SAMD8: variants seen among roughly 807,000 people sequenced by gnomAD.
The protein encoded by SAMD8 is sphingomyelin synthase-related protein 1.
In SAMD8, 20 loss-of-function variants were observed where a neutral mutation model predicts 42.0. The ratio of observed to expected loss-of-function variants is 0.48; its 90% CI spans 0.34 to 0.69. The LOEUF (loss-of-function observed/expected upper bound fraction) is 0.69, where lower values mean the gene tolerates loss of function less well. SAMD8 is among the 30% of genes least tolerant of loss of function. The probability of loss-of-function intolerance (pLI) is 0.01; values close to 1 mark genes in which losing one functional copy is unlikely to be tolerated. For synonymous variants in SAMD8, 162 were observed against 173.0 expected (o/e 0.94, Z 0.50); for missense variants, 328 against 511.6 (o/e 0.64, Z 3.46).
chr10:75,145,591 C>G (rs868765767), intron 1 of SAMD8, among the ~76,000 whole-genome samples: 7 of 152,090 alleles, frequency 4.6e-5, no homozygotes, highest in African/African-American at 1.7e-4. Flanking sequence ...AGGATGAACC[C>G]AGAGACATGT....
Position 75,176,248 on chromosome 10 carries a change from T to C in SAMD8, c.943+32T>C. 6.2e-7 allele frequency: 1 copy of C among 1,614,140 alleles called. No homozygotes were observed. Among genetic ancestry groups the C allele is most frequent in the South Asian group, 1.1e-5 (1 of 91,078 alleles). On this transcript the variant is annotated intron_variant, in intron 5 of 5. Coordinates refer to ENST00000542569, the MANE Select transcript of SAMD8 (RefSeq NM_001174156.2). This position sits in a 1 kb window ranked among gnomAD's most constrained non-coding sequence, Gnocchi z 4.3. ...ATCTTTTTAGTGCTTCTATGCGTAT[T>C]AGGTAACTAGCTGCAGTGAAGGCTG...
chr10:75,124,809 CTTTTTTT>C (rs199513847), intron 1 of SAMD8, among the ~76,000 whole-genome samples: 8 of 144,998 alleles, frequency 5.5e-5, no homozygotes, highest in East Asian at 2.0e-4. Context: ...TTCTTTTTTT[CTTTTTTT>C]TTTTTCCTAA....
rs1589915471 is a variant in SAMD8 at position 75,106,138 on chromosome 10, C to T, written c.-16+6410C>T. Among the ~76,000 whole-genome samples, 5 of 139,558 alleles carry T rather than the reference C, an allele frequency of 3.6e-5. No homozygotes were observed. The South Asian group carries it at 1.1e-3, about 32-fold the overall frequency. The allele number at this position is 139,558 out of a possible 152,430, so 91.6% of individuals were successfully genotyped here. The stretch of plus-strand genomic sequence containing the variant: ...TTTTTTTTTAGTAGAGACAAAGTCT[C>T]ACTATGTTGCCCAGGCTGGTCTTGA... On this transcript the variant is annotated intron_variant, in intron 1 of 3. Transcript: ENST00000447533.
intron 1 of SAMD8, among the ~76,000 whole-genome samples, chr10:75,118,613 C>T (rs1335226075): frequency 6.6e-6 from 1 of 152,176 alleles, no homozygotes; most frequent in East Asian, 1.9e-4. Context: ...CGCTGCATTC[C>T]AGCCTGGGCG....
chr10:75,110,996 A>C (rs1336330408), upstream of SAMD8, among the ~76,000 whole-genome samples: 1 of 152,002 alleles, frequency 6.6e-6, no homozygotes, highest in Non-Finnish European at 1.5e-5. Flanking sequence ...TTGTATTTTT[A>C]GTACAGACGA....
intron 1 of SAMD8, among the ~76,000 whole-genome samples, chr10:75,117,440 C>T (rs979892389): frequency 5.3e-5 from 8 of 149,942 alleles, no homozygotes; most frequent in Non-Finnish European, 8.9e-5. Context: ...AAAGGGTGGG[C>T]GTGATGGCTC....
chr10:75,176,513 A>G lies in SAMD8; in HGVS notation c.1069A>G (p.Thr357Ala). 5.8e-6 allele frequency: 9 copies of G among 1,550,706 alleles called. No individual in the cohort carries two copies. The highest frequency in any genetic ancestry group is 7.8e-6 in the Non-Finnish European group (9 of 1,147,002). Residue 357 changes from threonine (T) to alanine (A), a missense_variant, in exon 6 of 6, where the codon ACA becomes GCA. Physicochemically the swap from Thr to Ala is moderately conservative, Grantham distance 58. This residue lies in a region of SAMD8 where 178 missense variants were observed against 325.6 expected (regional missense o/e 0.55). Coordinates refer to ENST00000542569, the MANE Select transcript of SAMD8 (RefSeq NM_001174156.2). This position sits in a 1 kb window ranked among gnomAD's most constrained non-coding sequence, Gnocchi z 4.3. ...TGTGTTTATTGCTTTTTATATAACA[A>G]CAAGACTCTTTTTGTACTACCATAC... ...IDVFIAFYITTRLFLYYHTLA... is the reference protein window; with the variant it reads ...IDVFIAFYITARLFLYYHTLA...
chr10:75,152,222 A>G (rs1044466098), intron 2 of SAMD8, among the ~76,000 whole-genome samples: 1 of 151,998 alleles, frequency 6.6e-6, no homozygotes, highest in Non-Finnish European at 1.5e-5. Flanking sequence ...TATGTGTAAC[A>G]TATGAAAAAT....
At chr10:75,134,709 T>C (rs1849347541) in intron 1 of SAMD8, among the ~76,000 whole-genome samples, 2 of 152,094 alleles carry the variant, frequency 1.3e-5, no homozygotes, top group South Asian at 4.1e-4. Context: ...CTATGACTAA[T>C]AATAATGTAT....
intron 2 of SAMD8, among the ~76,000 whole-genome samples, chr10:75,160,967 C>G (rs1394731680): frequency 6.6e-6 from 1 of 152,056 alleles, no homozygotes; most frequent in East Asian, 1.9e-4. Flanking sequence ...ATTGGGGAGT[C>G]TGAGGTGGGA....
intron 1 of SAMD8, among the ~76,000 whole-genome samples, chr10:75,147,543 G>T (rs1840170674): frequency 2.6e-5 from 4 of 152,034 alleles, no homozygotes; most frequent in Admixed American, 2.6e-4. Context: ...GGCCAGGTTG[G>T]TCTTGAACTC....
intron 4 of SAMD8, among the ~76,000 whole-genome samples, chr10:75,172,012 C>T (rs922958616): frequency 4.1e-5 from 6 of 146,528 alleles, no homozygotes; most frequent in East Asian, 4.0e-4. Context: ...GGTGACAGAG[C>T]GAGACTCCAT....
chr10:75,130,333 C>G (rs1202086110), intron 1 of SAMD8, among the ~76,000 whole-genome samples: 1 of 151,922 alleles, frequency 6.6e-6, no homozygotes, highest in Non-Finnish European at 1.5e-5. Flanking sequence ...GAAACCCCGT[C>G]TCTACTAAAA....
In SAMD8 at chr10:75,176,416, C is replaced by G. The variant is rs1840992210; in HGVS notation, c.972C>G (p.His324Gln). Residue 324 changes from histidine to glutamine, a missense_variant, in exon 6 of 6, where the codon CAC becomes CAG. This residue lies in a region of SAMD8 where 178 missense variants were observed against 325.6 expected (regional missense o/e 0.55). Transcript: ENST00000542569. The surrounding 1 kb of genome is among the most constrained non-coding windows in gnomAD (Gnocchi z 4.3). ...EYTPRSWNFL[H>Q]TLSWVLNLFG... ...CACCAAGAAGCTGGAATTTCTTGCA[C>G]ACTTTATCCTGGGTTCTCAACCTCT... The G allele has an allele frequency of 6.5e-7, 1 of 1,546,120 alleles. No homozygotes were observed. Among genetic ancestry groups the G allele is most frequent in the African/African-American group, 1.4e-5 (1 of 72,318 alleles).
At position 75,179,366 on chromosome 10, in the gene SAMD8, A is replaced by T. The variant is rs1033555637; in HGVS notation, c.*2674A>T. ...TGCCTCAATCAATCAATCAATCAATAACAAAAACTTAAATAGCTATTAACC... is the reference window on the plus strand; with the variant it reads ...TGCCTCAATCAATCAATCAATCAATTACAAAAACTTAAATAGCTATTAACC... On this transcript the variant is annotated 3_prime_UTR_variant, in exon 6 of 6. Coordinates refer to ENST00000542569, the MANE Select transcript of SAMD8 (RefSeq NM_001174156.2). The T allele has an allele frequency of 3.9e-5, 6 of 152,198 alleles. No individual in the cohort carries two copies. The highest frequency in any genetic ancestry group is 1.4e-4 in the African/African-American group (6 of 41,446). The allele number at this position is 152,198 out of a possible 1,614,324, so 9.4% of individuals were successfully genotyped here.
At position 75,151,026 on chromosome 10, in the gene SAMD8, A is replaced by T; in HGVS notation, c.498A>T (p.Thr166=). Residue 166 remains threonine (T), a synonymous_variant, in exon 2 of 6, where the codon ACA becomes ACT. Coordinates refer to ENST00000542569, the MANE Select transcript of SAMD8 (RefSeq NM_001174156.2). The part of the protein sequence containing the change: ...CIYVFIVFGF[T]SFIMVIVHER... ...ATGTTTTTATAGTATTTGGATTTAC[A>T]TCTTTCATTATGGTTATAGTCCATG... 2 of 1,603,728 alleles carry T rather than the reference A, an allele frequency of 1.2e-6. No individual in the cohort carries two copies. The highest frequency in any genetic ancestry group is 1.1e-5 in the South Asian group (1 of 89,474).
In SAMD8 at chr10:75,140,153, C is replaced by T. The variant is rs184826286; in HGVS notation, c.-15-10361C>T. On this transcript the variant is annotated intron_variant, in intron 1 of 5. Coordinates refer to ENST00000542569, the MANE Select transcript of SAMD8 (RefSeq NM_001174156.2). Reference sequence around the variant, plus strand: ...ATTCTGTTTCCTTGATTTATGTTAACACCACTTTGTCTTGATTTGAGTACT... The same window carrying T: ...ATTCTGTTTCCTTGATTTATGTTAATACCACTTTGTCTTGATTTGAGTACT... 1.2e-3 allele frequency among the ~76,000 whole-genome samples: 179 copies of T among 152,258 alleles called. 1 individual carries two copies. Among genetic ancestry groups the T allele is most frequent in the African/African-American group, 4.2e-3 (176 of 41,540 alleles).
intron 1 of SAMD8, among the ~76,000 whole-genome samples, chr10:75,146,392 C>A (rs1050427956): frequency 2.8e-5 from 4 of 144,046 alleles, no homozygotes; most frequent in African/African-American, 2.6e-5. Flanking sequence ...TCAAGCCATT[C>A]TTCTGCCTCA....
chr10:75,115,660 T>C (rs944358048), intron 1 of SAMD8, among the ~76,000 whole-genome samples: 1 of 152,126 alleles, frequency 6.6e-6, no homozygotes, highest in Non-Finnish European at 1.5e-5. Context: ...TGTAACATAC[T>C]GCGGGCACGG....
Sources: gnomAD v4.1 joint callset for allele counts (sites outside exome capture counted in the v4.1 genomes callset) on GRCh38, gnomAD v4.1.1 for gene constraint, gnomAD v4.1.1 regional missense constraint, Gnocchi (gnomAD v3.1) non-coding constraint, MANE v1.5 for transcripts, NCBI Gene and HGNC (gene_info 2026-07-23, HGNC 2026-07-21) for gene names.